The following MEN1 variants were observed in gnomAD, a reference collection of about 807,000 sequenced individuals.
MEN1 encodes the protein menin 1, also known as menin.
MEN1 carries 6 observed loss-of-function variants against 58.0 expected under a neutral mutation model. The observed-to-expected ratio is 0.10, with a 90% confidence interval of 0.06 to 0.20. MEN1 has a LOEUF of 0.20. Ranked by LOEUF, MEN1 falls within the 10% of genes least tolerant of loss-of-function variation. The probability of loss-of-function intolerance (pLI) is 1.00; values close to 1 mark genes in which losing one functional copy is unlikely to be tolerated. For synonymous variants in MEN1, 346 were observed against 350.7 expected, an observed-to-expected ratio of 0.99 and a Z score of 0.15; for missense variants, 492 against 818.5, an observed-to-expected ratio of 0.60 and a Z score of 4.87.
rs2136150719 is a variant in MEN1 at position 64,807,939 on chromosome 11, G to A, written c.606C>T (p.Gly202=). The A allele has an allele frequency of 1.9e-6, 3 of 1,614,168 alleles. No individual in the cohort carries two copies. Among genetic ancestry groups the A allele is most frequent in the Non-Finnish European group, 2.5e-6 (3 of 1,180,030 alleles). The change falls in exon 3 of 10, where the codon GGC becomes GGT. Residue 202 remains glycine (G), a synonymous_variant. Coordinates refer to ENST00000450708, the MANE Select transcript of MEN1 (RefSeq NM_001370259.2). This position sits in a 1 kb window ranked among gnomAD's most constrained non-coding sequence, Gnocchi z 4.9. ...QTAEVTWHGK[G]NEDRRGQTVN... ...CTGTCTGGCCCCTGCGGTCCTCGTT[G>A]CCCTTGCCGTGCCAGGTGACCTCAG...
In MEN1 at chr11:64,803,972, A is replaced by G. The variant is rs1242543802; in HGVS notation, c.*362T>C. 5 of 406,230 alleles carry G rather than the reference A, an allele frequency of 1.2e-5. No homozygotes were observed. In the East Asian group the frequency reaches 2.1e-4, roughly 17 times the overall value. The allele number at this position is 406,230 out of a possible 1,614,324, so 25.2% of individuals were successfully genotyped here. The stretch of plus-strand genomic sequence containing the variant: ...GGTTAAGGGTGAAACCTCAGCTCCT[A>G]CAAGCTGGGAGGAGCCCTGAGTAAC... On this transcript the variant is annotated 3_prime_UTR_variant, in exon 10 of 10. Transcript: ENST00000450708.
At chr11:64,810,968 A>G (rs1363846896), upstream of MEN1, 3 of 152,216 alleles carry the variant, frequency 2.0e-5, no homozygotes, top group African/African-American at 4.8e-5. Context: ...AAACACTGCC[A>G]GAGAGTAAAT....
rs780777336 is a variant in MEN1 at position 64,807,146 on chromosome 11, C to T, written c.824+33G>A. On this transcript the variant is annotated intron_variant, in intron 5 of 9. Coordinates refer to ENST00000450708, the MANE Select transcript of MEN1 (RefSeq NM_001370259.2). The surrounding 1 kb of genome is among the most constrained non-coding windows in gnomAD (Gnocchi z 4.9). ...GCTGCCACCCAGCCCCCCGGCCTCA[C>T]CAGGCGCAGCCTGGCCACTTCCCTC... is the stretch of plus-strand genomic sequence containing the variant. The T allele has an allele frequency of 6.2e-7, 1 of 1,614,022 alleles. No individual in the cohort carries two copies.
rs1370297215 is a variant in MEN1, at chr11:64,803,973, C to T, written c.*361G>A. On this transcript the variant is annotated 3_prime_UTR_variant, in exon 10 of 10. Coordinates refer to ENST00000450708, the MANE Select transcript of MEN1 (RefSeq NM_001370259.2). ...GTTAAGGGTGAAACCTCAGCTCCTACAAGCTGGGAGGAGCCCTGAGTAACG... is the reference window on the plus strand; with the variant it reads ...GTTAAGGGTGAAACCTCAGCTCCTATAAGCTGGGAGGAGCCCTGAGTAACG... The T allele has an allele frequency of 2.4e-6, 1 of 409,778 alleles. No individual in the cohort carries two copies. The highest frequency in any genetic ancestry group is 4.5e-6 in the Non-Finnish European group (1 of 220,924). The allele number at this position is 409,778 out of a possible 1,614,324, so 25.4% of individuals were successfully genotyped here. A position where few individuals can be genotyped will look rare whatever the true frequency, so the allele number is the denominator to read the frequency against.
rs2136095256 is a variant in MEN1, at chr11:64,804,841, G to A, written c.1351-25C>T. 1 of 1,596,504 alleles carries A rather than the reference G, an allele frequency of 6.3e-7. No individual in the cohort carries two copies. The highest frequency in any genetic ancestry group is 8.5e-7 in the Non-Finnish European group (1 of 1,178,748). On this transcript the variant is annotated intron_variant, in intron 9 of 9. Transcript: ENST00000450708. This position sits in a 1 kb window ranked among gnomAD's most constrained non-coding sequence, Gnocchi z 4.2. ...CCTGGGCCAGTGGGGAGAGCAAGGT[G>A]AGAGCAAGGTTGCCGGCCAGTGGCT...
At chr11:64,805,297 C>T in intron 8 of MEN1, 99 bp from the exon 9 acceptor site, 3 of 1,393,090 alleles carry the variant, frequency 2.2e-6, no homozygotes, top group Non-Finnish European at 2.0e-6. Context: ...CCCCTGGCTC[C>T]AGAAAAGGTA....
Position 64,804,057 on chromosome 11 carries a change from CT to C in MEN1, c.*276del. ...GAGCTTGGGTTTCTAGGGGCTGGGC[CT>C]TTAAAGACTGGTAATTAGGACCCAG... On this transcript the variant is annotated 3_prime_UTR_variant, in exon 10 of 10. Coordinates refer to ENST00000450708, the MANE Select transcript of MEN1 (RefSeq NM_001370259.2). This position sits in a 1 kb window ranked among gnomAD's most constrained non-coding sequence, Gnocchi z 4.2. 2.0e-6 allele frequency: 1 copy of C among 504,130 alleles called. No homozygotes were observed. The highest frequency in any genetic ancestry group is 3.6e-6 in the Non-Finnish European group (1 of 277,214). The allele number at this position is 504,130 out of a possible 1,614,324, so 31.2% of individuals were successfully genotyped here.
At position 64,809,749 on chromosome 11, in the gene MEN1, CCTT is replaced by C. The variant is rs794728657; in HGVS notation, c.358_360del (p.Lys120del). On this transcript the variant is annotated inframe_deletion, in exon 2 of 10. Coordinates refer to ENST00000450708, the MANE Select transcript of MEN1 (RefSeq NM_001370259.2). ...AGGCTGTTCCATATGACATCGGAGA[CCTT>C]CTTCACCAGCTCACGGCTGGAGACA... 1.2e-6 allele frequency: 2 copies of C among 1,614,146 alleles called. No individual in the cohort carries two copies. The highest frequency in any genetic ancestry group is 1.7e-6 in the Non-Finnish European group (2 of 1,180,038).
At chr11:64,805,912 GC>G in intron 7 of MEN1, 142 bp from the exon 8 acceptor site, 1 of 866,672 alleles carries the variant, frequency 1.2e-6, no homozygotes, top group Non-Finnish European at 1.9e-6. Context: ...GTCTGGGTCA[GC>G]CCAGAGGAAG....
rs768424332 is a variant in MEN1 at position 64,804,299 on chromosome 11, TG to T, written c.*34del. On this transcript the variant is annotated 3_prime_UTR_variant, in exon 10 of 10. Transcript: ENST00000450708. The surrounding 1 kb of genome is among the most constrained non-coding windows in gnomAD (Gnocchi z 4.2). ...GAGTTGGGGGACTAAGGGCGGAGCC[TG>T]GGTCCCCACAAGCGGTCCGAAGTCC... 21 of 1,614,010 alleles carry T rather than the reference TG, an allele frequency of 1.3e-5. No homozygotes were observed. The highest frequency in any genetic ancestry group is 1.7e-5 in the Non-Finnish European group (20 of 1,179,976).
rs184896922 is a variant in MEN1, at chr11:64,809,735, T to A, written c.375A>T (p.Ile125=). The A allele has an allele frequency of 1.1e-5, 18 of 1,614,146 alleles. No individual in the cohort carries two copies. The Admixed American group carries it at 2.8e-4, about 25-fold the overall frequency. The change falls in exon 2 of 10, where the codon ATA becomes ATT. Residue 125 remains isoleucine, a synonymous_variant. Coordinates refer to ENST00000450708, the MANE Select transcript of MEN1 (RefSeq NM_001370259.2). ...RELVKKVSDV[I]WNSLSRSYFK... ...AGTAGGAGCGGCTGAGGCTGTTCCA[T>A]ATGACATCGGAGACCTTCTTCACCA...
At chr11:64,805,980 G>A in intron 7 of MEN1, 1 of 654,474 alleles carries the variant, frequency 1.5e-6, no homozygotes, top group Non-Finnish European at 2.7e-6. Flanking sequence ...ACTGCTGGAT[G>A]ATGGTGGTTA....
At position 64,807,522 on chromosome 11, in the gene MEN1, C is replaced by T. The variant is rs747977775; in HGVS notation, c.783+30G>A. The stretch of plus-strand genomic sequence containing the variant: ...CACAGCAAGTCAAGTCTGGCCTAGC[C>T]CAGTCCTGCCCCATTGGCTCAGCCC... On this transcript the variant is annotated intron_variant, in intron 4 of 9. Transcript: ENST00000450708. This position sits in a 1 kb window ranked among gnomAD's most constrained non-coding sequence, Gnocchi z 4.9. 6.2e-7 allele frequency: 1 copy of T among 1,613,486 alleles called. No homozygotes were observed. The highest frequency in any genetic ancestry group is 1.1e-5 in the South Asian group (1 of 91,052).
intron 6 of MEN1, among the ~76,000 whole-genome samples, 182 bp downstream of exon 6, chr11:64,806,829 G>A (rs1941762492): frequency 6.6e-6 from 1 of 152,162 alleles, no homozygotes; most frequent in Admixed American, 6.5e-5. Context: ...CCAGGCTGGG[G>A]AACCCTGGAC....
Position 64,805,623 on chromosome 11 carries a change from C to T in MEN1, c.1185+12G>A, listed in dbSNP as rs373609932. The stretch of plus-strand genomic sequence containing the variant: ...GGGAGGCTGGACACAGGCTGGAGCT[C>T]CAGCCTTTCACCTGGCTTTGCTCCC... On this transcript the variant is annotated intron_variant, in intron 8 of 9. Transcript: ENST00000450708. 212 of 1,612,952 alleles carry T rather than the reference C, an allele frequency of 1.3e-4. 1 individual carries two copies. The highest frequency in any genetic ancestry group is 1.7e-4 in the Non-Finnish European group (202 of 1,179,902).
At chr11:64,811,047 C>T (rs1942079626), upstream of MEN1, 1 of 152,102 alleles carries the variant, frequency 6.6e-6, no homozygotes, top group Admixed American at 6.5e-5. Flanking sequence ...GTGTGCAGCA[C>T]TCGTTTCCCA....
intron 6 of MEN1, 133 bp from the exon 7 acceptor site, chr11:64,806,501 C>T (rs1941742370): frequency 1.9e-6 from 2 of 1,034,818 alleles, no homozygotes; most frequent in African/African-American, 1.6e-5. Flanking sequence ...TCCACTCCCA[C>T]CTCCACTCGC....
intron 7 of MEN1, chr11:64,805,980 G>C (rs1941694034): frequency 1.5e-6 from 1 of 654,474 alleles, no homozygotes; most frequent in Non-Finnish European, 2.7e-6. Context: ...ACTGCTGGAT[G>C]ATGGTGGTTA....
At chr11:64,810,207 C>G in intron 1 of MEN1, 75 bp from the exon 2 acceptor site, 1 of 926,636 alleles carries the variant, frequency 1.1e-6, no homozygotes, top group Non-Finnish European at 1.6e-6. Flanking sequence ...CGCTAAGGTT[C>G]CACCCGCCCC....
Sources: allele counts gnomAD v4.1 joint callset (sites outside exome capture counted in the v4.1 genomes callset), GRCh38; gene constraint gnomAD v4.1.1; non-coding constraint Gnocchi (gnomAD v3.1); transcripts MANE v1.5; gene names NCBI Gene and HGNC (gene_info 2026-07-23, HGNC 2026-07-21).